The following CCSER1 variants were observed in gnomAD, a reference collection of about 807,000 sequenced individuals.
CCSER1 encodes coiled-coil serine rich protein 1.
CCSER1 carries 41 observed loss-of-function variants against 82.0 expected under a neutral mutation model. That is an observed-to-expected ratio of 0.50 (90% CI 0.39 to 0.65). The LOEUF is 0.65. Ranked by LOEUF, CCSER1 falls within the 30% of genes least tolerant of loss-of-function variation. CCSER1 has a pLI of 0.00. For synonymous variants in CCSER1, 414 were observed against 383.9 expected, an observed-to-expected ratio of 1.08 and a Z score of -0.92; for missense variants, 1,119 against 1,064.2, an observed-to-expected ratio of 1.05 and a Z score of -0.72.
chr4:90,893,792 T>TGTGTGGG (rs34693713), intron 8 of CCSER1, among the ~76,000 whole-genome samples: 17 of 145,436 alleles, frequency 1.2e-4, no homozygotes, highest in Admixed American at 6.7e-4. Context: ...TGTGTGTGTG[T>TGTGTGGG]GGGGGGTGAA....
At chr4:90,609,942 TCA>T (rs1465064659) in intron 5 of CCSER1, among the ~76,000 whole-genome samples, 1 of 152,176 alleles carries the variant, frequency 6.6e-6, no homozygotes, top group African/African-American at 2.4e-5. Flanking sequence ...TGCTATTTAT[TCA>T]CATAGAATAT....
At chr4:90,214,147 C>A (rs1020466275) in intron 1 of CCSER1, among the ~76,000 whole-genome samples, 1 of 152,008 alleles carries the variant, frequency 6.6e-6, no homozygotes, top group African/African-American at 2.4e-5. Flanking sequence ...GGGGATGGAA[C>A]GCAGTGCAAA....
At chr4:90,783,685 T>C (rs2149623828) in intron 7 of CCSER1, among the ~76,000 whole-genome samples, 1 of 152,340 alleles carries the variant, frequency 6.6e-6, no homozygotes, top group Non-Finnish European at 1.5e-5. Flanking sequence ...GTCAAATATT[T>C]ATCTCACCAA....
At chr4:90,755,814 TC>T (rs1458247179) in intron 7 of CCSER1, among the ~76,000 whole-genome samples, 1 of 152,220 alleles carries the variant, frequency 6.6e-6, no homozygotes, top group African/African-American at 2.4e-5. Context: ...CAGGGAAATA[TC>T]TAATGATCCT....
intron 7 of CCSER1, chr4:90,780,366 A>G: frequency 7.1e-7 from 1 of 1,417,258 alleles, no homozygotes; most frequent in South Asian, 1.2e-5. Flanking sequence ...TTCATTGATG[A>G]TCCCCAAAAT....
At chr4:90,547,549 A>G (rs150254392) in intron 5 of CCSER1, among the ~76,000 whole-genome samples, 1 of 152,162 alleles carries the variant, frequency 6.6e-6, no homozygotes, top group African/African-American at 2.4e-5. Flanking sequence ...TTAAACACGT[A>G]TCATTCCTGA....
chr4:90,635,724 A>C (rs1725302758), intron 6 of CCSER1, among the ~76,000 whole-genome samples: 1 of 151,868 alleles, frequency 6.6e-6, no homozygotes. Context: ...TTGGGAAATT[A>C]TAGTTTATAA....
At chr4:90,220,443 T>C (rs1216883338) in intron 1 of CCSER1, among the ~76,000 whole-genome samples, 1 of 152,094 alleles carries the variant, frequency 6.6e-6, no homozygotes, top group Non-Finnish European at 1.5e-5. Flanking sequence ...CACATGAATA[T>C]ATATTTCTTT....
intron 3 of CCSER1, among the ~76,000 whole-genome samples, chr4:90,377,625 C>T (rs1748553324): frequency 6.6e-6 from 1 of 151,904 alleles, no homozygotes; most frequent in Admixed American, 6.6e-5. Flanking sequence ...AACAAAATAA[C>T]CAGAGAATAC....
At chr4:91,537,122 T>A (rs1761338341) in intron 10 of CCSER1, among the ~76,000 whole-genome samples, 1 of 152,106 alleles carries the variant, frequency 6.6e-6, no homozygotes, top group South Asian at 2.1e-4. Context: ...GGTCAGGCAT[T>A]ATAGTAAAAG....
chr4:90,652,972 A>T (rs566492946), intron 6 of CCSER1, among the ~76,000 whole-genome samples: 68 of 152,162 alleles, frequency 4.5e-4, no homozygotes, highest in Non-Finnish European at 8.7e-4. Flanking sequence ...TCCTCCTATT[A>T]ATTAATATGC....
chr4:91,450,434 T>C (rs544272486), intron 10 of CCSER1, among the ~76,000 whole-genome samples: 1 of 152,182 alleles, frequency 6.6e-6, no homozygotes, highest in African/African-American at 2.4e-5. Flanking sequence ...ATTTACTCTG[T>C]AGCCCTAAAC....
intron 5 of CCSER1, among the ~76,000 whole-genome samples, chr4:90,585,676 G>A (rs1341038239): frequency 2.0e-5 from 3 of 151,844 alleles, no homozygotes; most frequent in Admixed American, 2.0e-4. Flanking sequence ...TTTAATGCTG[G>A]CTGATGAAGC....
chr4:90,644,248 C>T lies in CCSER1; in HGVS notation c.1932+16016C>T, dbSNP rs185792151. Among the ~76,000 whole-genome samples, 132 of 152,248 alleles carry T rather than the reference C, an allele frequency of 8.7e-4. 1 individual carries two copies. The highest frequency in any genetic ancestry group is 2.2e-3 in the Admixed American group (34 of 15,290). On this transcript the variant is annotated intron_variant, in intron 6 of 10. Coordinates refer to ENST00000509176, the MANE Select transcript of CCSER1 (RefSeq NM_001145065.2). Reference sequence around the variant, plus strand: ...CTTGGGAATGGGACACAAGTCTAAACACAAAATTCATTTGTGTTTCATATA... The same window carrying T: ...CTTGGGAATGGGACACAAGTCTAAATACAAAATTCATTTGTGTTTCATATA...
At chr4:90,391,550 A>C (rs1213756349) in intron 3 of CCSER1, among the ~76,000 whole-genome samples, 1 of 138,334 alleles carries the variant, frequency 7.2e-6, no homozygotes, top group Non-Finnish European at 1.5e-5. Flanking sequence ...TCATAAAATT[A>C]AAAATAAACA....
At chr4:90,959,717 G>A (rs1404062725) in intron 9 of CCSER1, among the ~76,000 whole-genome samples, 2 of 150,282 alleles carry the variant, frequency 1.3e-5, no homozygotes, top group African/African-American at 4.9e-5. Flanking sequence ...TCTGCATCCT[G>A]TGGAAGTTCT....
chr4:90,483,942 G>C (rs990655492), intron 5 of CCSER1, among the ~76,000 whole-genome samples: 44 of 152,144 alleles, frequency 2.9e-4, no homozygotes, highest in African/African-American at 8.7e-4. Flanking sequence ...TGGGGAAGTT[G>C]TCCTGGATAA....
intron 9 of CCSER1, chr4:90,938,753 C>A (rs1292146439): frequency 3.0e-6 from 1 of 333,052 alleles, no homozygotes; most frequent in Non-Finnish European, 6.2e-6. Flanking sequence ...CATTATCTGA[C>A]AATAAGAAAT....
intron 10 of CCSER1, among the ~76,000 whole-genome samples, chr4:91,175,589 T>G (rs977233093): frequency 4.6e-5 from 7 of 152,220 alleles, no homozygotes; most frequent in Admixed American, 2.0e-4. Flanking sequence ...ATGAGCATTT[T>G]TTCATGTGTC....
Sources: gnomAD v4.1 joint callset for allele counts (sites outside exome capture counted in the v4.1 genomes callset) on GRCh38, gnomAD v4.1.1 for gene constraint, MANE v1.5 for transcripts, NCBI Gene and HGNC (gene_info 2026-07-23, HGNC 2026-07-21) for gene names.